The following SLC25A26 variants were observed in gnomAD, a reference collection of about 807,000 sequenced individuals.
SLC25A26 encodes mitochondrial S-adenosylmethionine carrier protein.
In SLC25A26, 36 loss-of-function variants were observed where a neutral mutation model predicts 37.8. That is an observed-to-expected ratio of 0.95 (90% CI 0.73 to 1.26). SLC25A26 has a LOEUF of 1.26. SLC25A26 is among the 50% of genes most tolerant of loss of function. SLC25A26 has a pLI of 0.00. For synonymous variants in SLC25A26, 129 were observed against 122.5 expected (o/e 1.05, Z -0.35); for missense variants, 390 against 331.1 (o/e 1.18, Z -1.38).
At chr3:66,197,099 T>A (rs2071054426) in intron 1 of SLC25A26, among the ~76,000 whole-genome samples, 1 of 152,210 alleles carries the variant, frequency 6.6e-6, no homozygotes, top group East Asian at 1.9e-4. Flanking sequence ...GTCAGTTTAC[T>A]CTAAAAAGCA....
chr3:66,290,097 A>T (rs1185161816), intron 5 of SLC25A26, among the ~76,000 whole-genome samples: 1 of 151,996 alleles, frequency 6.6e-6, no homozygotes, highest in East Asian at 1.9e-4. Context: ...ATGGGAATTC[A>T]CTCATTATTT....
chr3:66,236,722 TC>T, intron 2 of SLC25A26, 22 bp downstream of exon 2: 1 of 1,483,512 alleles, frequency 6.7e-7, no homozygotes, highest in Non-Finnish European at 9.0e-7. Flanking sequence ...TATTCTCACT[TC>T]TGTAAAGCCA....
At chr3:66,363,253 G>C (rs901947713) in intron 7 of SLC25A26, among the ~76,000 whole-genome samples, 6 of 152,190 alleles carry the variant, frequency 3.9e-5, no homozygotes, top group Non-Finnish European at 1.5e-5. Context: ...TGTGGGTGCA[G>C]GGCTCACCAT....
chr3:66,337,482 A>C (rs2076116027), intron 5 of SLC25A26, among the ~76,000 whole-genome samples: 1 of 152,116 alleles, frequency 6.6e-6, no homozygotes, highest in South Asian at 2.1e-4. Context: ...CATTAGAAAG[A>C]ATGATAGATC....
At chr3:66,277,900 T>G (rs1316441849) in intron 5 of SLC25A26, among the ~76,000 whole-genome samples, 1 of 151,914 alleles carries the variant, frequency 6.6e-6, no homozygotes, top group African/African-American at 2.4e-5. Context: ...AAACCGAGAT[T>G]GAGAGACATT....
In SLC25A26 at chr3:66,205,136, G is replaced by A. The variant is rs1420599938; in HGVS notation, c.-353-15606G>A. Among the ~76,000 whole-genome samples the A allele has an allele frequency of 2.6e-5, 4 of 152,294 alleles. No individual in the cohort carries two copies. In the South Asian group the frequency reaches 8.3e-4, roughly 32 times the overall value. The stretch of plus-strand genomic sequence containing the variant: ...TCACTAATTGAATGAAGCCTGCAAT[G>A]TGCAACAAAAAGATTTTTGTGTTTA... On this transcript the variant is annotated intron_variant, in intron 1 of 10. Coordinates refer to the SLC25A26 transcript ENST00000676754.
chr3:66,188,653 G>A (rs1255496836), intron 1 of SLC25A26, among the ~76,000 whole-genome samples: 6 of 152,066 alleles, frequency 3.9e-5, no homozygotes, highest in Admixed American at 2.0e-4. Flanking sequence ...TATAGTCTGC[G>A]GAACTGTGAG....
chr3:66,332,943 CT>C (rs907756193), intron 5 of SLC25A26, among the ~76,000 whole-genome samples: 1 of 151,948 alleles, frequency 6.6e-6, no homozygotes, highest in African/African-American at 2.4e-5. Flanking sequence ...CATACATACA[CT>C]TTTTTTTCAG....
At chr3:66,333,836 C>CA (rs1174916272) in intron 5 of SLC25A26, among the ~76,000 whole-genome samples, 1 of 110,266 alleles carries the variant, frequency 9.1e-6, no homozygotes, top group Non-Finnish European at 1.9e-5. Context: ...CCTAGAAAAA[C>CA]AAAAAACAAA....
intron 3 of SLC25A26, among the ~76,000 whole-genome samples, chr3:66,246,028 T>G (rs2107141773): frequency 6.6e-6 from 1 of 152,370 alleles, no homozygotes; most frequent in African/African-American, 2.4e-5. Context: ...TCTATGAATT[T>G]GCCTATTTTG....
At chr3:66,337,368 C>G (rs2076113336) in intron 5 of SLC25A26, among the ~76,000 whole-genome samples, 1 of 151,876 alleles carries the variant, frequency 6.6e-6, no homozygotes, top group South Asian at 2.1e-4. Context: ...CTAGAATGTC[C>G]TACACATTAG....
At chr3:66,199,046 G>T (rs1384053018) in intron 1 of SLC25A26, among the ~76,000 whole-genome samples, 7 of 151,548 alleles carry the variant, frequency 4.6e-5, no homozygotes, top group Admixed American at 2.6e-4. Context: ...CTCTGATCTT[G>T]ATACTCATCC....
rs782531930 is a variant in SLC25A26 at position 66,246,900 on chromosome 3, C to A, written c.300+3588C>A. 2.6e-4 allele frequency among the ~76,000 whole-genome samples: 39 copies of A among 152,262 alleles called. No homozygotes were observed. In the Middle Eastern group the frequency reaches 0.01, roughly 40 times the overall value. The stretch of plus-strand genomic sequence containing the variant: ...TGTTTAAGACGGAGTCTTGCTCTTT[C>A]GCCCATGCTGGAGTGCAGTGGCGCG... On this transcript the variant is annotated intron_variant, in intron 3 of 9. Transcript: ENST00000354883.
At position 66,192,903 on chromosome 3, in the gene SLC25A26, A is replaced by G. The variant is rs1190352088; in HGVS notation, c.-353-27839A>G. The stretch of plus-strand genomic sequence containing the variant: ...ATGAGATAAATGCTCATGAAAAATT[A>G]CCTAGGCAGTTTTTTACTTTCTATC... On this transcript the variant is annotated intron_variant, in intron 1 of 10. Transcript: ENST00000676754. Among the ~76,000 whole-genome samples, 3 of 152,172 alleles carry G rather than the reference A, an allele frequency of 2.0e-5. No homozygotes were observed. The East Asian group carries it at 5.8e-4, about 29-fold the overall frequency.
intron 3 of SLC25A26, among the ~76,000 whole-genome samples, chr3:66,247,656 C>T (rs1193283743): frequency 2.6e-5 from 4 of 152,100 alleles, no homozygotes; most frequent in Non-Finnish European, 5.9e-5. Flanking sequence ...GTTTAGTATG[C>T]TGAGAAGTTT....
At chr3:66,147,569 A>G (rs1168996668) in intron 1 of SLC25A26, among the ~76,000 whole-genome samples, 2 of 152,084 alleles carry the variant, frequency 1.3e-5, no homozygotes, top group African/African-American at 4.8e-5. Context: ...GTCCTTTTAA[A>G]TATAATGATA....
At chr3:66,158,489 C>A (rs2070313835) in intron 1 of SLC25A26, among the ~76,000 whole-genome samples, 2 of 152,134 alleles carry the variant, frequency 1.3e-5, no homozygotes, top group Non-Finnish European at 2.9e-5. Context: ...ATTGCTGGGT[C>A]ATACATTAAC....
At chr3:66,174,735 G>A (rs980304465) in intron 1 of SLC25A26, among the ~76,000 whole-genome samples, 2 of 151,028 alleles carry the variant, frequency 1.3e-5, no homozygotes, top group Admixed American at 1.3e-4. Context: ...GCAGTGAGCC[G>A]AGATCGCGCC....
At chr3:66,243,422 A>G (rs1056040613) in intron 3 of SLC25A26, 110 bp downstream of exon 3, 3 of 563,916 alleles carry the variant, frequency 5.3e-6, no homozygotes. Flanking sequence ...TATGAAAGTC[A>G]TAAATGGCAA....
Sources: allele counts gnomAD v4.1 joint callset (sites outside exome capture counted in the v4.1 genomes callset), GRCh38; gene constraint gnomAD v4.1.1; transcripts MANE v1.5; gene names NCBI Gene and HGNC (gene_info 2026-07-23, HGNC 2026-07-21).